Variants in PHF2 observed in about 807,000 individuals in gnomAD.
The protein encoded by PHF2 is PHD finger protein 2, also known as lysine-specific demethylase PHF2.
Under a neutral mutation model 120.5 loss-of-function variants are expected in PHF2, and 27 were observed. The ratio of observed to expected loss-of-function variants is 0.22; its 90% CI spans 0.17 to 0.31. The LOEUF (loss-of-function observed/expected upper bound fraction) is 0.31, where lower values mean the gene tolerates loss of function less well. Ranked by LOEUF, PHF2 falls within the 10% of genes least tolerant of loss-of-function variation. PHF2 has a pLI of 1.00. For missense variants in PHF2, 1,024 were observed against 1,434.8 expected (o/e 0.71, Z 4.63); for synonymous variants, 568 against 592.5 (o/e 0.96, Z 0.60).
At position 93,650,431 on chromosome 9, in the gene PHF2, C is replaced by T. The variant is rs532317262; in HGVS notation, c.602+1219C>T. Among the ~76,000 whole-genome samples the T allele has an allele frequency of 2.3e-3, 346 of 152,224 alleles. 1 individual carries two copies. The highest frequency in any genetic ancestry group is 7.9e-3 in the African/African-American group (327 of 41,534). ...TAACACCTGCACACACCCGTGTAGA[C>T]GCCTACACTCACACACATGAGATCC... is the stretch of plus-strand genomic sequence containing the variant. On this transcript the variant is annotated intron_variant, in intron 5 of 21. Coordinates refer to ENST00000359246, the MANE Select transcript of PHF2 (RefSeq NM_005392.4).
chr9:93,612,841 G>A lies in PHF2; in HGVS notation c.99-17129G>A, dbSNP rs566937180. 1.1e-4 allele frequency among the ~76,000 whole-genome samples: 16 copies of A among 152,342 alleles called. No homozygotes were observed. The East Asian group carries it at 3.1e-3, about 29-fold the overall frequency. On this transcript the variant is annotated intron_variant, in intron 1 of 21. Transcript: ENST00000359246. ...TCCCCCACCCACCAGTGTCTCTGTG[G>A]GGTTGTGAGAAGGGCCGGTTCTCCT...
chr9:93,628,500 G>A (rs1016173076), intron 1 of PHF2, among the ~76,000 whole-genome samples: 1 of 152,156 alleles, frequency 6.6e-6, no homozygotes, highest in Non-Finnish European at 1.5e-5. Context: ...TCCAGGTTAT[G>A]TAATTTATTG....
At position 93,656,592 on chromosome 9, in the gene PHF2, A is replaced by C; in HGVS notation, c.1144A>C (p.Lys382Gln). 1 of 1,610,912 alleles carries C rather than the reference A, an allele frequency of 6.2e-7. No homozygotes were observed. Among genetic ancestry groups the C allele is most frequent in the Non-Finnish European group, 8.5e-7 (1 of 1,177,460 alleles). The change falls in exon 9 of 22, where the codon AAA becomes CAA. Residue 382 changes from lysine (K) to glutamine (Q), a missense_variant. Around this residue, in one of 2 missense-constraint regions of PHF2, gnomAD observed 347 missense variants for 577.4 expected, o/e 0.60. Transcript: ENST00000359246. The surrounding 1 kb of genome is among the most constrained non-coding windows in gnomAD (Gnocchi z 4.1). ...GGGGAAGCACCTGCTGGAGGCATTCAAAGGTACTGGTCACTCCGGGGTGGG... is the reference window on the plus strand; with the variant it reads ...GGGGAAGCACCTGCTGGAGGCATTCCAAGGTACTGGTCACTCCGGGGTGGG... The part of the protein sequence containing the change: ...YMGKHLLEAF[K>Q]GSHKSGKQLP...
intron 17 of PHF2, chr9:93,672,322 A>G (rs1005810619): frequency 3.7e-6 from 3 of 809,856 alleles, no homozygotes; most frequent in Non-Finnish European, 4.5e-6. Context: ...ATGTAGGTAC[A>G]GGTGTAGATG....
At position 93,662,209 on chromosome 9, in the gene PHF2, G is replaced by A. The variant is rs151266029; in HGVS notation, c.1699-698G>A. On this transcript the variant is annotated intron_variant, in intron 12 of 21. Transcript: ENST00000359246. Reference sequence around the variant, plus strand: ...TGAATGGGTGAGCAGATACATGGATGGATAGATGAACAAATGGATGGGTGG... The same window carrying A: ...TGAATGGGTGAGCAGATACATGGATAGATAGATGAACAAATGGATGGGTGG... Among the ~76,000 whole-genome samples, 30 of 152,020 alleles carry A rather than the reference G, an allele frequency of 2.0e-4. 1 individual carries two copies. The highest frequency in any genetic ancestry group is 2.1e-4 in the Non-Finnish European group (14 of 67,966).
rs199521774 is a variant in PHF2 at position 93,645,615 on chromosome 9, G to A, written c.300-14G>A. On this transcript the variant is annotated splice_polypyrimidine_tract_variant and intron_variant, in intron 3 of 21. Coordinates refer to ENST00000359246, the MANE Select transcript of PHF2 (RefSeq NM_005392.4). ...TCGGGCCCAATGTGGCCTCTGACCTGTGCTTCCCTGCAGTGCTGAAGACGT... is the reference window on the plus strand; with the variant it reads ...TCGGGCCCAATGTGGCCTCTGACCTATGCTTCCCTGCAGTGCTGAAGACGT... 57 of 1,569,858 alleles carry A rather than the reference G, an allele frequency of 3.6e-5. No homozygotes were observed. In the African/African-American group the frequency reaches 7.4e-4, roughly 20 times the overall value.
intron 7 of PHF2, 57 bp from the exon 8 acceptor site, chr9:93,655,877 G>A: frequency 7.5e-7 from 1 of 1,326,074 alleles, no homozygotes; most frequent in Non-Finnish European, 1.1e-6. Flanking sequence ...CTAGAGCCAT[G>A]AGAAGCCCGT....
chr9:93,615,117 G>A (rs1587683165), intron 1 of PHF2, among the ~76,000 whole-genome samples: 1 of 151,384 alleles, frequency 6.6e-6, no homozygotes, highest in East Asian at 2.0e-4. Context: ...TGGTGATGGT[G>A]ATGGCGATGA....
intron 5 of PHF2, among the ~76,000 whole-genome samples, chr9:93,650,407 A>G (rs1164229215): frequency 6.6e-6 from 1 of 152,064 alleles, no homozygotes; most frequent in Non-Finnish European, 1.5e-5. Context: ...CACAGTTACT[A>G]ACACCTGCAC....
At chr9:93,624,858 G>A (rs896743676) in intron 1 of PHF2, among the ~76,000 whole-genome samples, 1 of 151,934 alleles carries the variant, frequency 6.6e-6, no homozygotes, top group Non-Finnish European at 1.5e-5. Flanking sequence ...TGATGATAGT[G>A]GTTGAAGTGA....
At chr9:93,582,522 C>G (rs1457921393) in intron 1 of PHF2, among the ~76,000 whole-genome samples, 1 of 152,190 alleles carries the variant, frequency 6.6e-6, no homozygotes, top group African/African-American at 2.4e-5. Context: ...CTTCTGCCAA[C>G]CTTGATTCTC....
intron 12 of PHF2, among the ~76,000 whole-genome samples, chr9:93,660,869 T>C (rs1826553577): frequency 6.6e-6 from 1 of 152,200 alleles, no homozygotes; most frequent in Non-Finnish European, 1.5e-5. Context: ...AATGTGTGTG[T>C]GCTGTGGCAG....
At position 93,622,427 on chromosome 9, in the gene PHF2, A is replaced by C. The variant is rs564956643; in HGVS notation, c.99-7543A>C. 2.4e-3 allele frequency among the ~76,000 whole-genome samples: 359 copies of C among 152,312 alleles called. 1 individual carries two copies. Among genetic ancestry groups the C allele is most frequent in the African/African-American group, 8.2e-3 (341 of 41,586 alleles). On this transcript the variant is annotated intron_variant, in intron 1 of 21. Coordinates refer to ENST00000359246, the MANE Select transcript of PHF2 (RefSeq NM_005392.4). ...TGGATGGAGTTGGGGCTGTTCAGCC[A>C]GCTGTGGATGGGGAGACTGTCCTGG...
chr9:93,614,723 C>G (rs555073820), intron 1 of PHF2, among the ~76,000 whole-genome samples: 2 of 151,904 alleles, frequency 1.3e-5, no homozygotes, highest in Non-Finnish European at 2.9e-5. Context: ...CTACTCCCTG[C>G]CAGAAATGAA....
At chr9:93,653,685 G>A (rs951983397) in intron 6 of PHF2, among the ~76,000 whole-genome samples, 8 of 152,244 alleles carry the variant, frequency 5.3e-5, no homozygotes, top group African/African-American at 1.9e-4. Context: ...AGAGGGGCCA[G>A]CCATAGCCAG....
intron 18 of PHF2, among the ~76,000 whole-genome samples, chr9:93,674,428 G>A (rs1167938613): frequency 6.6e-6 from 1 of 152,166 alleles, no homozygotes; most frequent in African/African-American, 2.4e-5. Flanking sequence ...AACGGAAGGA[G>A]TTGTGAGGAG....
intron 2 of PHF2, 29 bp from the exon 3 acceptor site, chr9:93,636,382 A>T (rs1030932358): frequency 7.1e-6 from 11 of 1,558,496 alleles, no homozygotes; most frequent in Admixed American, 3.7e-5. Flanking sequence ...GCGCTGTGTG[A>T]CCGACCTTGC....
At chr9:93,674,602 G>A (rs865966198) in intron 18 of PHF2, among the ~76,000 whole-genome samples, 2 of 152,196 alleles carry the variant, frequency 1.3e-5, no homozygotes, top group African/African-American at 2.4e-5. Context: ...ATGAACAGAT[G>A]TACGGAGGGC....
rs777023710 is a variant in PHF2, at chr9:93,576,767, C to A, written c.-7C>A. The A allele has an allele frequency of 8.1e-7, 1 of 1,227,156 alleles. No homozygotes were observed. The highest frequency in any genetic ancestry group is 1.4e-5 in the South Asian group (1 of 74,028). 76.0% of individuals were successfully genotyped at this position (1,227,156 alleles called of 1,614,324 possible). On this transcript the variant is annotated 5_prime_UTR_variant, in exon 1 of 22. Coordinates refer to ENST00000359246, the MANE Select transcript of PHF2 (RefSeq NM_005392.4). ...GGCGGGGCCGAGCGGCGGCGCGGCG[C>A]GGCAACATGGCGACGGTGCCCGTGT...
Sources: allele counts gnomAD v4.1 joint callset (sites outside exome capture counted in the v4.1 genomes callset), GRCh38; gene constraint gnomAD v4.1.1; regional missense constraint gnomAD v4.1.1; non-coding constraint Gnocchi (gnomAD v3.1); transcripts MANE v1.5; gene names NCBI Gene and HGNC (gene_info 2026-07-23, HGNC 2026-07-21).